NLGN4Y: variants seen among roughly 807,000 people sequenced by gnomAD.
NLGN4Y encodes the protein neuroligin 4 Y-linked, also known as neuroligin-4, Y-linked.
A neutral mutation model predicts 8.4 loss-of-function variants in NLGN4Y; 4 were observed. That is an observed-to-expected ratio of 0.48 (90% CI 0.23 to 1.09). The LOEUF is 1.09. NLGN4Y is among the 50% of genes least tolerant of loss of function. The probability of loss-of-function intolerance (pLI) is 0.19; values close to 1 mark genes in which losing one functional copy is unlikely to be tolerated. For missense variants in NLGN4Y, 90 were observed against 192.3 expected, an observed-to-expected ratio of 0.47 and a Z score of 3.15; for synonymous variants, 35 against 75.6, an observed-to-expected ratio of 0.46 and a Z score of 2.78.
intron 2 of NLGN4Y, among the ~76,000 whole-genome samples, chrY:14,718,789 C>T (rs759774118): frequency 3.0e-5 from 1 of 33,413 alleles, no homozygotes; most frequent in East Asian, 7.8e-4. Flanking sequence ...ATACTTATTG[C>T]AAGTAGTAGA....
At chrY:14,527,546 T>A (rs2080097831) in intron 1 of NLGN4Y, among the ~76,000 whole-genome samples, 2 of 34,151 alleles carry the variant, frequency 5.9e-5, no homozygotes, top group African/African-American at 1.1e-4. Context: ...TTTTTGTTTT[T>A]GTCTGAGTAC....
chrY:14,703,489 C>T (rs570535725), intron 2 of NLGN4Y, among the ~76,000 whole-genome samples: 17 of 33,231 alleles, frequency 5.1e-4, no homozygotes, highest in African/African-American at 1.9e-3. Context: ...GGCATTATTT[C>T]TGAGGGCTCT....
chrY:14,639,699 C>A, intron 2 of NLGN4Y: 1 of 154,318 alleles, frequency 6.5e-6, no homozygotes, highest in Non-Finnish European at 1.3e-5. Flanking sequence ...AAAGGAATAG[C>A]CTGTGTTTGC....
intron 1 of NLGN4Y, among the ~76,000 whole-genome samples, chrY:14,568,661 A>G (rs2080260074): frequency 3.0e-5 from 1 of 33,177 alleles, no homozygotes; most frequent in Admixed American, 2.8e-4. Context: ...GGCAGTGGGT[A>G]GTGTTTAATA....
At chrY:14,630,932 C>A in intron 2 of NLGN4Y, among the ~76,000 whole-genome samples, 2 of 33,353 alleles carry the variant, frequency 6.0e-5, no homozygotes, top group South Asian at 1.3e-3. Context: ...AAGCTCACTG[C>A]ATCCTCAAAT....
chrY:14,692,750 A>G, intron 2 of NLGN4Y, among the ~76,000 whole-genome samples: 1 of 33,555 alleles, frequency 3.0e-5, no homozygotes, highest in Non-Finnish European at 7.4e-5. Context: ...TAAGTGCAAT[A>G]ATTTGTTGCC....
At chrY:14,702,284 G>A in intron 2 of NLGN4Y, among the ~76,000 whole-genome samples, 1 of 32,281 alleles carries the variant, frequency 3.1e-5, no homozygotes, top group Non-Finnish European at 7.5e-5. Flanking sequence ...TTAATGTTAG[G>A]TATATCTCCT....
intron 1 of NLGN4Y, among the ~76,000 whole-genome samples, chrY:14,526,275 G>C (rs780067302): frequency 4.5e-3 from 149 of 33,371 alleles, no homozygotes; most frequent in Middle Eastern, 0.014. Flanking sequence ...TTTTCCTGTG[G>C]AAATGAGCAA....
intron 1 of NLGN4Y, among the ~76,000 whole-genome samples, chrY:14,525,744 C>T: frequency 3.2e-5 from 1 of 31,197 alleles, no homozygotes; most frequent in Non-Finnish European, 7.7e-5. Flanking sequence ...TTTTTGAAGG[C>T]ATCCATTGCC....
intron 1 of NLGN4Y, among the ~76,000 whole-genome samples, chrY:14,594,908 G>C: frequency 2.4e-4 from 8 of 33,112 alleles, no homozygotes; most frequent in Non-Finnish European, 2.2e-4. Flanking sequence ...ACTGGGGATG[G>C]CTTGCTGACC....
intron 2 of NLGN4Y, among the ~76,000 whole-genome samples, chrY:14,637,860 TTGTGTG>T: frequency 3.8e-5 from 1 of 26,547 alleles, no homozygotes; most frequent in Admixed American, 3.8e-4. Flanking sequence ...TTTTTTTTTT[TTGTGTG>T]TGTGTGTGTG....
At chrY:14,667,583 C>A in intron 2 of NLGN4Y, among the ~76,000 whole-genome samples, 1 of 33,722 alleles carries the variant, frequency 3.0e-5, no homozygotes, top group Non-Finnish European at 7.4e-5. Context: ...AAACAACCCA[C>A]AATTTTACTG....
At chrY:14,661,440 G>C (rs1048046044) in intron 2 of NLGN4Y, among the ~76,000 whole-genome samples, 4 of 32,380 alleles carry the variant, frequency 1.2e-4, no homozygotes, top group Admixed American at 8.5e-4. Context: ...TGTAACCAGT[G>C]TACAATATAC....
At chrY:14,566,550 T>C in intron 1 of NLGN4Y, among the ~76,000 whole-genome samples, 1 of 33,240 alleles carries the variant, frequency 3.0e-5, no homozygotes, top group Non-Finnish European at 7.4e-5. Flanking sequence ...CAAAGAGACT[T>C]GCACTCCCAC....
At chrY:14,640,151 G>C in intron 2 of NLGN4Y, 2 of 118,174 alleles carry the variant, frequency 1.7e-5, no homozygotes, top group South Asian at 8.2e-5. Context: ...AACTCGAAAG[G>C]TTTGAAACCG....
At chrY:14,756,866 CATATATATATATATATATATATAT>C (rs145217639) in intron 4 of NLGN4Y, among the ~76,000 whole-genome samples, 18 of 2,175 alleles carry the variant, frequency 8.3e-3, no homozygotes, top group African/African-American at 0.044. Context: ...ATATTTTATA[CATATATATATATATATATATATAT>C]ATATATATAT....
At chrY:14,610,406 C>G (rs2080462152) in intron 1 of NLGN4Y, among the ~76,000 whole-genome samples, 2 of 33,157 alleles carry the variant, frequency 6.0e-5, no homozygotes, top group Non-Finnish European at 1.5e-4. Context: ...TACATTGTAT[C>G]TTTGTTCTTA....
chrY:14,665,539 C>T, intron 2 of NLGN4Y, among the ~76,000 whole-genome samples: 1 of 33,306 alleles, frequency 3.0e-5, no homozygotes. Context: ...AGCTGATTTC[C>T]AAGGTTACTG....
chrY:14,573,647 T>C, intron 1 of NLGN4Y, among the ~76,000 whole-genome samples: 1 of 33,385 alleles, frequency 3.0e-5, no homozygotes, highest in Non-Finnish European at 7.4e-5. Flanking sequence ...AGCTTTTGAA[T>C]GTGTTTGCTC....
Sources: gnomAD v4.1 joint callset for allele counts (sites outside exome capture counted in the v4.1 genomes callset) on GRCh38, gnomAD v4.1.1 for gene constraint, MANE v1.5 for transcripts, NCBI Gene and HGNC (gene_info 2026-07-23, HGNC 2026-07-21) for gene names.